The following CNP variants were observed in gnomAD, a reference collection of about 807,000 sequenced individuals.
CNP encodes the protein 2',3'-cyclic-nucleotide 3'-phosphodiesterase.
In CNP, 8 loss-of-function variants were observed where a neutral mutation model predicts 37.9. The observed-to-expected ratio is 0.21, with a 90% CI of 0.12 to 0.38. The LOEUF is 0.38. Among genes scored for constraint, CNP ranks in the 10% least tolerant of loss-of-function variants. The pLI is 1.00. For missense variants in CNP, 457 were observed against 551.0 expected (o/e 0.83, Z 1.71); for synonymous variants, 237 against 238.3 (o/e 0.99, Z 0.05).
At position 41,975,596 on chromosome 17, in the gene CNP, G is replaced by A. The variant is rs1555644614; in HGVS notation, c.*1672G>A. On this transcript the variant is annotated 3_prime_UTR_variant, in exon 4 of 4. Coordinates refer to ENST00000393892, the MANE Select transcript of CNP (RefSeq NM_033133.5). ...AAGCACCAGGGAAGATCTAACATTT[G>A]AGTCCCTTCCAGGCCATCAGAGGCC... 6.6e-6 allele frequency: 1 copy of A among 152,224 alleles called. No homozygotes were observed. Among genetic ancestry groups the A allele is most frequent in the Admixed American group, 6.5e-5 (1 of 15,284 alleles). The allele number at this position is 152,224 out of a possible 1,614,324, so 9.4% of individuals were successfully genotyped here.
chr17:41,973,946 C>T lies in CNP; in HGVS notation c.*22C>T, dbSNP rs529263304. ...ATGAGTGTTCTCACCACCACTTATG[C>T]CCCTAGAAGGGAAGGGGAGAGGGAA... On this transcript the variant is annotated 3_prime_UTR_variant, in exon 4 of 4. Coordinates refer to ENST00000393892, the MANE Select transcript of CNP (RefSeq NM_033133.5). 3.4e-6 allele frequency: 5 copies of T among 1,451,898 alleles called. No homozygotes were observed. The highest frequency in any genetic ancestry group is 4.5e-6 in the Non-Finnish European group (5 of 1,101,928). The allele number at this position is 1,451,898 out of a possible 1,614,324, so 89.9% of individuals were successfully genotyped here. A position where few individuals can be genotyped will look rare whatever the true frequency, so the allele number is the denominator to read the frequency against.
rs781944543 is a variant in CNP at position 41,973,702 on chromosome 17, C to T, written c.1044C>T (p.Leu348=). 2 of 1,612,408 alleles carry T rather than the reference C, an allele frequency of 1.2e-6. No homozygotes were observed. The highest frequency in any genetic ancestry group is 8.5e-7 in the Non-Finnish European group (1 of 1,178,950). ...AGGCCGTGCAGACGGGCCTTGACCT[C>T]TTAGAGATTCTGCGGCAGGAGAAGG... ...DVEAVQTGLD[L]LEILRQEKGG... The change falls in exon 4 of 4, where the codon CTC becomes CTT. Residue 348 remains leucine, a synonymous_variant. Transcript: ENST00000393892.
intron 3 of CNP, among the ~76,000 whole-genome samples, chr17:41,972,429 G>T (rs1567947200): frequency 1.3e-5 from 2 of 152,290 alleles, no homozygotes; most frequent in East Asian, 3.9e-4. Context: ...CAGGTCTGAG[G>T]TCTGGCCTGG....
At position 41,975,941 on chromosome 17, in the gene CNP, TAAA is replaced by T. The variant is rs1283340573; in HGVS notation, c.*2020_*2022del. The T allele has an allele frequency of 2.6e-5, 4 of 152,234 alleles. No homozygotes were observed. Among genetic ancestry groups the T allele is most frequent in the Non-Finnish European group, 4.4e-5 (3 of 68,096 alleles). The allele number at this position is 152,234 out of a possible 1,614,324, so 9.4% of individuals were successfully genotyped here. On this transcript the variant is annotated 3_prime_UTR_variant, in exon 4 of 4. Coordinates refer to ENST00000393892, the MANE Select transcript of CNP (RefSeq NM_033133.5). ...AGCAGAGAAGGCCAGGGGCTTTTGC[TAAA>T]AATAGTGGCCAGACCAGAGCTCTGG...
chr17:41,976,598 C>G lies in CNP; in HGVS notation c.*2674C>G. The G allele has an allele frequency of 3.5e-6, 4 of 1,142,574 alleles. No individual in the cohort carries two copies. Among genetic ancestry groups the G allele is most frequent in the Non-Finnish European group, 4.9e-6 (4 of 814,364 alleles). The allele number at this position is 1,142,574 out of a possible 1,614,324, so 70.8% of individuals were successfully genotyped here. On this transcript the variant is annotated 3_prime_UTR_variant, in exon 4 of 4. Transcript: ENST00000393892. ...TTGCTCCACCCCACTCACAGAGACA[C>G]AGGGCATCCAACTGAGAAAACGAAA...
chr17:41,973,593 G>C lies in CNP; in HGVS notation c.935G>C (p.Ser312Thr). 5.0e-6 allele frequency: 8 copies of C among 1,614,248 alleles called. No homozygotes were observed. The highest frequency in any genetic ancestry group is 6.8e-6 in the Non-Finnish European group (8 of 1,180,056). ...GAGCAGCAACTGCAGTTGTGGCCGA[G>C]TGATGTGGACAAGCTGTCACCCACT... ...LSEQQLQLWP[S>T]DVDKLSPTDN... The change falls in exon 4 of 4, where the codon AGT becomes ACT. Residue 312 changes from serine (S) to threonine (T), a missense_variant. By Grantham distance (58) the Ser-to-Thr change is moderately conservative. This residue lies in a region of CNP where 291 missense variants were observed against 291.7 expected (regional missense o/e 1.00). Coordinates refer to ENST00000393892, the MANE Select transcript of CNP (RefSeq NM_033133.5).
intron 1 of CNP, chr17:41,967,203 G>T (rs1218442306): frequency 3.5e-6 from 1 of 289,024 alleles, no homozygotes; most frequent in African/African-American, 2.2e-5. Context: ...GCAGGCCCGC[G>T]CTGGGGCAGC....
intron 2 of CNP, chr17:41,971,026 C>G (rs782538535): frequency 1.5e-4 from 23 of 152,256 alleles, no homozygotes; most frequent in Admixed American, 1.3e-4. Flanking sequence ...GACTGCTTGT[C>G]CAGATGGGCC....
intron 1 of CNP, chr17:41,967,677 T>G: frequency 2.9e-6 from 3 of 1,025,536 alleles, no homozygotes; most frequent in South Asian, 7.8e-5. Flanking sequence ...ACTCCCCCCC[T>G]TCTCTGTGCA....
chr17:41,966,929 C>T (rs1040861230), intron 1 of CNP, 42 bp downstream of exon 1: 9 of 1,299,020 alleles, frequency 6.9e-6, no homozygotes, highest in South Asian at 2.1e-5. Context: ...AGCACCAGGG[C>T]GGGAAACGAG....
chr17:41,977,161 C>T lies in CNP; in HGVS notation c.*3237C>T. 8.3e-7 allele frequency: 1 copy of T among 1,210,066 alleles called. No individual in the cohort carries two copies. Among genetic ancestry groups the T allele is most frequent in the Non-Finnish European group, 1.2e-6 (1 of 848,966 alleles). 75.0% of individuals were successfully genotyped at this position (1,210,066 alleles called of 1,614,324 possible). A position where few individuals can be genotyped will look rare whatever the true frequency, so the allele number is the denominator to read the frequency against. Reference sequence around the variant, plus strand: ...CCTGCTAGATGAGAATTCAGCTGCCCCCGCTCATGGGCCCCTCTGACTCCC... The same window carrying T: ...CCTGCTAGATGAGAATTCAGCTGCCTCCGCTCATGGGCCCCTCTGACTCCC... On this transcript the variant is annotated 3_prime_UTR_variant, in exon 4 of 4. Transcript: ENST00000393892.
rs1204213360 is a variant in CNP at position 41,974,455 on chromosome 17, T to G, written c.*531T>G. 2.0e-5 allele frequency: 3 copies of G among 152,694 alleles called. No individual in the cohort carries two copies. The highest frequency in any genetic ancestry group is 4.8e-5 in the African/African-American group (2 of 41,382). The allele number at this position is 152,694 out of a possible 1,614,324, so 9.5% of individuals were successfully genotyped here. A position where few individuals can be genotyped will look rare whatever the true frequency, so the allele number is the denominator to read the frequency against. ...TTTTTCTTTGTTTTTAGAGACAGGG[T>G]CCTGCTATTTCCCAAGCTGGAGTGC... On this transcript the variant is annotated 3_prime_UTR_variant, in exon 4 of 4. Coordinates refer to ENST00000393892, the MANE Select transcript of CNP (RefSeq NM_033133.5).
rs1555644278 is a variant in CNP, at chr17:41,973,940, C to T, written c.*16C>T. 4 of 1,488,368 alleles carry T rather than the reference C, an allele frequency of 2.7e-6. No homozygotes were observed. The highest frequency in any genetic ancestry group is 2.8e-5 in the South Asian group (2 of 72,194). The allele number at this position is 1,488,368 out of a possible 1,614,324, so 92.2% of individuals were successfully genotyped here. On this transcript the variant is annotated 3_prime_UTR_variant, in exon 4 of 4. Transcript: ENST00000393892. ...CATCATATGAGTGTTCTCACCACCA[C>T]TTATGCCCCTAGAAGGGAAGGGGAG...
Position 41,977,217 on chromosome 17 carries a change from T to G in CNP, c.*3293T>G, listed in dbSNP as rs1555645022. On this transcript the variant is annotated 3_prime_UTR_variant, in exon 4 of 4. Coordinates refer to ENST00000393892, the MANE Select transcript of CNP (RefSeq NM_033133.5). ...GCTGCCTAAGAGGCAATGAGTGTGT[T>G]GGCTTGTGATCTGGGAACTCCCAAG... 6 of 1,553,040 alleles carry G rather than the reference T, an allele frequency of 3.9e-6. No homozygotes were observed. The African/African-American group carries it at 6.8e-5, about 18-fold the overall frequency.
Position 41,976,834 on chromosome 17 carries a change from G to C in CNP, c.*2910G>C, listed in dbSNP as rs1369199162. On this transcript the variant is annotated 3_prime_UTR_variant, in exon 4 of 4. Transcript: ENST00000393892. The stretch of plus-strand genomic sequence containing the variant: ...TTTCTAAGGAAGATCACTTTGCTCT[G>C]ATTATGGAAAAGTCTTCAAGGGCTG... The C allele has an allele frequency of 5.7e-6, 9 of 1,579,690 alleles. No individual in the cohort carries two copies. In the East Asian group the frequency reaches 1.6e-4, roughly 28 times the overall value.
In CNP at chr17:41,973,920, T is replaced by A. The variant is rs782266279; in HGVS notation, c.1262T>A (p.Ile421Lys). ...KGGALQSCTI[I>K] ...GGCGCCTTGCAGTCCTGCACCATCA[T>A]ATGAGTGTTCTCACCACCACTTATG... The change falls in exon 4 of 4, where the codon ATA becomes AAA. Residue 421 changes from isoleucine to lysine, a missense_variant. Ile to Lys is a moderately radical substitution (Grantham distance 102). Coordinates refer to ENST00000393892, the MANE Select transcript of CNP (RefSeq NM_033133.5). The A allele has an allele frequency of 3.3e-6, 5 of 1,520,282 alleles. No homozygotes were observed. The highest frequency in any genetic ancestry group is 4.4e-6 in the Non-Finnish European group (5 of 1,134,660). 94.2% of individuals were successfully genotyped at this position (1,520,282 alleles called of 1,614,324 possible).
chr17:41,968,345 G>A lies in CNP; in HGVS notation c.281G>A (p.Gly94Glu). Residue 94 changes from glycine to glutamate, a missense_variant, in exon 2 of 4, where the codon GGA becomes GAA. Physicochemically the swap from Gly to Glu is moderately conservative, Grantham distance 98. Around this residue, in one of 2 missense-constraint regions of CNP, gnomAD observed 166 missense variants for 259.3 expected, o/e 0.64. Coordinates refer to ENST00000393892, the MANE Select transcript of CNP (RefSeq NM_033133.5). This position sits in a 1 kb window ranked among gnomAD's most constrained non-coding sequence, Gnocchi z 4.8. ...DAYKITPGAR[G>E]AFSEEYKRLD... is the part of the protein sequence containing the mutation. ...TACAAGATCACCCCCGGCGCTCGAG[G>A]AGCCTTCTCCGAGGAGTACAAGCGG... The A allele has an allele frequency of 6.2e-7, 1 of 1,614,112 alleles. No individual in the cohort carries two copies.
intron 2 of CNP, among the ~76,000 whole-genome samples, chr17:41,969,612 G>A (rs1179158461): frequency 6.6e-6 from 1 of 152,188 alleles, no homozygotes; most frequent in African/African-American, 2.4e-5. Flanking sequence ...CTGGAGTGCA[G>A]TGGCGCTATC....
Position 41,977,248 on chromosome 17 carries a change from C to A in CNP, c.*3324C>A, listed in dbSNP as rs201838329. 1.1e-5 allele frequency: 18 copies of A among 1,575,648 alleles called. No individual in the cohort carries two copies. In the East Asian group the frequency reaches 4.0e-4, roughly 35 times the overall value. The stretch of plus-strand genomic sequence containing the variant: ...GTGATCTGGGAACTCCCAAGAACAG[C>A]AGGCCCACCTACCTTCAAAGCTGAA... On this transcript the variant is annotated 3_prime_UTR_variant, in exon 4 of 4. Coordinates refer to ENST00000393892, the MANE Select transcript of CNP (RefSeq NM_033133.5).
Sources: gnomAD v4.1 joint callset for allele counts (sites outside exome capture counted in the v4.1 genomes callset) on GRCh38, gnomAD v4.1.1 for gene constraint, gnomAD v4.1.1 regional missense constraint, Gnocchi (gnomAD v3.1) non-coding constraint, MANE v1.5 for transcripts, NCBI Gene and HGNC (gene_info 2026-07-23, HGNC 2026-07-21) for gene names.